CNTROB: variants seen among roughly 807,000 people sequenced by gnomAD.
CNTROB encodes centrobin.
In CNTROB, 82 loss-of-function variants were observed where a neutral mutation model predicts 115.7. The observed-to-expected ratio is 0.71, with a 90% confidence interval of 0.59 to 0.85. CNTROB has a LOEUF of 0.85. Ranked by LOEUF, CNTROB falls within the 40% of genes least tolerant of loss-of-function variation. CNTROB has a pLI of 0.00. For missense variants in CNTROB, 1,014 were observed against 1,144.4 expected (o/e 0.89, Z 1.64); for synonymous variants, 439 against 456.4 (o/e 0.96, Z 0.49).
In CNTROB at chr17:7,948,814, T is replaced by C. The variant is rs981631123; in HGVS notation, c.2513+195T>C. The C allele has an allele frequency of 6.8e-7, 1 of 1,471,442 alleles. No homozygotes were observed. Among genetic ancestry groups the C allele is most frequent in the Non-Finnish European group, 9.0e-7 (1 of 1,111,338 alleles). The allele number at this position is 1,471,442 out of a possible 1,614,324, so 91.1% of individuals were successfully genotyped here. On this transcript the variant is annotated intron_variant, in intron 17 of 18. Transcript: ENST00000563694. This position sits in a 1 kb window ranked among gnomAD's most constrained non-coding sequence, Gnocchi z 4.4. ...TATCTCCTCCTTTCTATTGCTTTTT[T>C]CTTCTAAACAAAAAAATCTTTTCCC...
Position 7,949,375 on chromosome 17 carries a change from C to G in CNTROB, c.2587-10C>G, listed in dbSNP as rs1403934611. On this transcript the variant is annotated splice_polypyrimidine_tract_variant and intron_variant, in intron 18 of 18. Coordinates refer to ENST00000563694, the MANE Select transcript of CNTROB (RefSeq NM_053051.5). ...GCTGATTTCTTCCTCTCTCTTCCCTCAACTCTCAGATTCCCTCCCAGGCTG... is the reference window on the plus strand; with the variant it reads ...GCTGATTTCTTCCTCTCTCTTCCCTGAACTCTCAGATTCCCTCCCAGGCTG... The G allele has an allele frequency of 6.2e-7, 1 of 1,613,698 alleles. No individual in the cohort carries two copies. The highest frequency in any genetic ancestry group is 1.7e-5 in the Admixed American group (1 of 59,980).
intron 14 of CNTROB, 77 bp downstream of exon 14, chr17:7,947,799 G>A: frequency 5.0e-6 from 8 of 1,603,206 alleles, no homozygotes; most frequent in Admixed American, 1.7e-5. Flanking sequence ...GGGAATCCAG[G>A]ACTCTGGCCT....
chr17:7,945,619 T>G, intron 12 of CNTROB, 109 bp from the exon 13 acceptor site: 8 of 1,181,068 alleles, frequency 6.8e-6, no homozygotes, highest in Non-Finnish European at 9.5e-6. Context: ...ATTACAGGTG[T>G]GAGCCACTGC....
Position 7,939,633 on chromosome 17 carries a change from A to G in CNTROB, c.1048A>G (p.Thr350Ala). ...GQLSEHRELE[T>A]LRAALEEERQ... ...ACTGAGTGAGCATCGAGAGTTGGAGACTCTTCGGGCTGCCCTAGAAGAAGA... is the reference window on the plus strand; with the variant it reads ...ACTGAGTGAGCATCGAGAGTTGGAGGCTCTTCGGGCTGCCCTAGAAGAAGA... The change falls in exon 8 of 19, where the codon ACT (threonine) becomes GCT (alanine). Residue 350 changes from threonine to alanine, a missense_variant. Thr to Ala is a moderately conservative substitution (Grantham distance 58). Transcript: ENST00000563694. This position sits in a 1 kb window ranked among gnomAD's most constrained non-coding sequence, Gnocchi z 4.4. 6.2e-7 allele frequency: 1 copy of G among 1,613,334 alleles called. No homozygotes were observed. The highest frequency in any genetic ancestry group is 8.5e-7 in the Non-Finnish European group (1 of 1,179,850).
chr17:7,942,789 T>A (rs1248378339), intron 9 of CNTROB, among the ~76,000 whole-genome samples: 53 of 51,440 alleles, frequency 1.0e-3, no homozygotes, highest in African/African-American at 3.9e-3. Flanking sequence ...CTCAGGGTAT[T>A]TTTTTTTTTT....
intron 1 of CNTROB, 51 bp from the exon 2 acceptor site, chr17:7,934,087 A>C: frequency 2.0e-6 from 3 of 1,470,140 alleles, no homozygotes; most frequent in Non-Finnish European, 2.9e-6. Context: ...GGCAATAGGT[A>C]GGAGATAGAT....
chr17:7,945,879 T>C lies in CNTROB; in HGVS notation c.1886T>C (p.Val629Ala). The change falls in exon 13 of 19, where the codon GTT becomes GCT. Residue 629 changes from valine (V) to alanine (A), a missense_variant. Physicochemically the swap from Val to Ala is moderately conservative, Grantham distance 64 (BLOSUM62 0). Transcript: ENST00000563694. ...GACGAGCTACCTGGAGCGCCTCCTG[T>C]TCTTTGCAGTTCCTCCTCAGATCTT... ...ARDELPGAPP[V>A]LCSSSSDLSL... The C allele has an allele frequency of 6.2e-7, 1 of 1,614,208 alleles. No homozygotes were observed. Among genetic ancestry groups the C allele is most frequent in the East Asian group, 2.2e-5 (1 of 44,888 alleles).
At position 7,947,809 on chromosome 17, in the gene CNTROB, T is replaced by A; in HGVS notation, c.2145+87T>A. On this transcript the variant is annotated intron_variant, in intron 14 of 18. Coordinates refer to ENST00000563694, the MANE Select transcript of CNTROB (RefSeq NM_053051.5). ...GCTCTGGGAATCCAGGACTCTGGCC[T>A]CATTCCCTGTTTATGACTAACTCTT... 7 of 1,606,366 alleles carry A rather than the reference T, an allele frequency of 4.4e-6. No individual in the cohort carries two copies. In the South Asian group the frequency reaches 7.8e-5, roughly 18 times the overall value.
Position 7,940,227 on chromosome 17 carries a change from A to G in CNTROB, c.1296A>G (p.Glu432=). 6.2e-7 allele frequency: 1 copy of G among 1,608,894 alleles called. No homozygotes were observed. The highest frequency in any genetic ancestry group is 8.5e-7 in the Non-Finnish European group (1 of 1,178,606). ...GAGAGAGAGATGCCCTGCAGCTGGA[A>G]ATGAGCTTGGTGCAGGTCAGAAGGC... ...ARRERDALQL[E]MSLVQARYES... The change falls in exon 9 of 19, where the codon GAA becomes GAG. Residue 432 remains glutamate (E), a synonymous_variant. Transcript: ENST00000563694.
rs150853338 is a variant in CNTROB, at chr17:7,947,605, C to T, written c.2028C>T (p.Pro676=). 7.6e-5 allele frequency: 122 copies of T among 1,612,728 alleles called. No individual in the cohort carries two copies. In the Admixed American group the frequency reaches 1.1e-3, roughly 14 times the overall value. The change falls in exon 14 of 19, where the codon CCC becomes CCT. Residue 676 remains proline (P), a synonymous_variant. Coordinates refer to ENST00000563694, the MANE Select transcript of CNTROB (RefSeq NM_053051.5). The part of the protein sequence containing the change: ...GAFSALGAFH[P]DHRAERPFPE... ...TCTCTGCACTTGGGGCCTTCCATCC[C>T]GATCATAGGGCAGAAAGGCCATTCC...
chr17:7,946,020 T>A (rs376431661), intron 13 of CNTROB, 34 bp downstream of exon 13: 24 of 1,600,630 alleles, frequency 1.5e-5, no homozygotes, highest in Non-Finnish European at 2.0e-5. Flanking sequence ...GGGTTCCCCT[T>A]CTGTGCATGA....
At chr17:7,947,824 G>A in intron 14 of CNTROB, 92 bp from the exon 15 acceptor site, 1 of 1,609,332 alleles carries the variant, frequency 6.2e-7, no homozygotes, top group Non-Finnish European at 8.5e-7. Flanking sequence ...CCCTGTTTAT[G>A]ACTAACTCTT....
At chr17:7,935,788 T>G (rs1159491686) in intron 4 of CNTROB, 1 of 160,368 alleles carries the variant, frequency 6.2e-6, no homozygotes, top group Non-Finnish European at 1.4e-5. Flanking sequence ...GTTTGTCGAA[T>G]GGACACAAAC....
At chr17:7,932,117 G>C, upstream of CNTROB, 1 of 500,778 alleles carries the variant, frequency 2.0e-6, no homozygotes, top group Non-Finnish European at 3.6e-6. Context: ...GCGCGGCCAG[G>C]CGCTCGGGAT....
At chr17:7,936,915 G>A (rs1426865028) in intron 6 of CNTROB, 98 bp downstream of exon 6, 1 of 779,152 alleles carries the variant, frequency 1.3e-6, no homozygotes, top group Non-Finnish European at 2.3e-6. Flanking sequence ...CCAACAGATT[G>A]ACCTCAGTCT....
In CNTROB at chr17:7,944,749, C is replaced by T; in HGVS notation, c.1734+111C>T. 5.4e-6 allele frequency: 7 copies of T among 1,284,844 alleles called. No homozygotes were observed. The highest frequency in any genetic ancestry group is 6.3e-6 in the Non-Finnish European group (6 of 949,392). 79.6% of individuals were successfully genotyped at this position (1,284,844 alleles called of 1,614,324 possible). A position where few individuals can be genotyped will look rare whatever the true frequency, so the allele number is the denominator to read the frequency against. On this transcript the variant is annotated intron_variant, in intron 12 of 18. Coordinates refer to ENST00000563694, the MANE Select transcript of CNTROB (RefSeq NM_053051.5). This position sits in a 1 kb window ranked among gnomAD's most constrained non-coding sequence, Gnocchi z 4.0. The stretch of plus-strand genomic sequence containing the variant: ...CTGGAGTGTACTGGTGAGATCATAG[C>T]TCATTGCAGCCTCGAACTCCTGGGC...
rs1296099352 is a variant in CNTROB, at chr17:7,937,195, A to C, written c.860A>C (p.Glu287Ala). Reference protein sequence around the residue: ...TVTRLEQSLSEAMEALNREQE... With the variant: ...TVTRLEQSLSAAMEALNREQE... ...ACCCGCCTGGAACAAAGCCTTTCTG[A>C]GGCCATGGAGGCCCTGAATCGTGAG... Residue 287 changes from glutamate to alanine, a missense_variant, in exon 7 of 19, where the codon GAG becomes GCG. Physicochemically the swap from Glu to Ala is moderately radical, Grantham distance 107. Transcript: ENST00000563694. 6.2e-7 allele frequency: 1 copy of C among 1,614,170 alleles called. No individual in the cohort carries two copies. Among genetic ancestry groups the C allele is most frequent in the Admixed American group, 1.7e-5 (1 of 60,024 alleles).
intron 9 of CNTROB, among the ~76,000 whole-genome samples, chr17:7,942,134 G>A (rs1973952250): frequency 6.6e-6 from 1 of 151,918 alleles, no homozygotes; most frequent in Admixed American, 6.6e-5. Flanking sequence ...GGGTGTTGTG[G>A]CACCAGCTTG....
In CNTROB at chr17:7,939,023, C is replaced by G. The variant is rs1172307599; in HGVS notation, c.928-490C>G. On this transcript the variant is annotated intron_variant, in intron 7 of 18. Transcript: ENST00000563694. The surrounding 1 kb of genome is among the most constrained non-coding windows in gnomAD (Gnocchi z 4.4). The stretch of plus-strand genomic sequence containing the variant: ...CAAACTCCTGACCTCAGATGATCTG[C>G]CTGCCTCAGCCTCCCAAAGTGCTGG... Among the ~76,000 whole-genome samples the G allele has an allele frequency of 1.3e-5, 2 of 152,150 alleles. No homozygotes were observed. The highest frequency in any genetic ancestry group is 2.9e-5 in the Non-Finnish European group (2 of 68,036).
Sources: allele counts gnomAD v4.1 joint callset (sites outside exome capture counted in the v4.1 genomes callset), GRCh38; gene constraint gnomAD v4.1.1; non-coding constraint Gnocchi (gnomAD v3.1); transcripts MANE v1.5; gene names NCBI Gene and HGNC (gene_info 2026-07-23, HGNC 2026-07-21).